GFPT1: variants seen among roughly 807,000 people sequenced by gnomAD.
GFPT1 encodes the protein glutamine--fructose-6-phosphate transaminase 1, also known as glutamine--fructose-6-phosphate aminotransferase [isomerizing] 1.
Under a neutral mutation model 92.0 loss-of-function variants are expected in GFPT1, and 40 were observed. That is an observed-to-expected ratio of 0.43 (90% confidence interval 0.34 to 0.57). The LOEUF is 0.57. Ranked by LOEUF, GFPT1 falls within the 20% of genes least tolerant of loss-of-function variation. The pLI is 0.02. For missense variants in GFPT1, 448 were observed against 869.1 expected, an observed-to-expected ratio of 0.52 and a Z score of 6.09; for synonymous variants, 269 against 280.6, an observed-to-expected ratio of 0.96 and a Z score of 0.41.
intron 1 of GFPT1, 61 bp downstream of exon 1, chr2:69,387,004 G>A: frequency 7.6e-7 from 1 of 1,315,936 alleles, no homozygotes. Context: ...GGGCCTTAGC[G>A]GCACCCGCAC....
intron 12 of GFPT1, among the ~76,000 whole-genome samples, chr2:69,343,040 C>T (rs1006915220): frequency 1.3e-5 from 2 of 152,138 alleles, no homozygotes; most frequent in Non-Finnish European, 2.9e-5. Context: ...CCATATGCTA[C>T]CAGAAGGATC....
chr2:69,376,131 C>T (rs6747389), intron 1 of GFPT1, among the ~76,000 whole-genome samples: 67,251 of 151,966 alleles, frequency 0.44, 15,151 homozygotes, highest in African/African-American at 0.52. Context: ...AGATTAAACA[C>T]GTACAGATAA....
chr2:69,372,839 C>G (rs1671784419), intron 2 of GFPT1, among the ~76,000 whole-genome samples: 1 of 152,180 alleles, frequency 6.6e-6, no homozygotes, highest in South Asian at 2.1e-4. Flanking sequence ...AGGTGTGAAA[C>G]TGCTATCCTC....
In GFPT1 at chr2:69,373,178, T is replaced by G. The variant is rs146958972; in HGVS notation, c.115+828A>C. Reference sequence around the variant, plus strand: ...CTTTTGTTATAATGAAACATAGCCATGAGTACAACCAAATGCTGAGTTCTG... The same window carrying G: ...CTTTTGTTATAATGAAACATAGCCAGGAGTACAACCAAATGCTGAGTTCTG... On this transcript the variant is annotated intron_variant, in intron 2 of 19. Coordinates refer to ENST00000357308, the MANE Select transcript of GFPT1 (RefSeq NM_001244710.2). Among the ~76,000 whole-genome samples, 825 of 152,326 alleles carry G rather than the reference T, an allele frequency of 5.4e-3. 6 individuals are homozygous for G. Among genetic ancestry groups the G allele is most frequent in the African/African-American group, 0.019 (791 of 41,568 alleles).
chr2:69,369,566 A>C (rs1671693310), intron 3 of GFPT1, among the ~76,000 whole-genome samples: 1 of 152,258 alleles, frequency 6.6e-6, no homozygotes, highest in Non-Finnish European at 1.5e-5. Context: ...ACCAGATTAT[A>C]TCAGACCTAT....
chr2:69,375,075 C>T (rs1671839940), intron 1 of GFPT1, among the ~76,000 whole-genome samples: 1 of 152,006 alleles, frequency 6.6e-6, no homozygotes, highest in African/African-American at 2.4e-5. Context: ...ACGGGATAAG[C>T]AAAGAAGTAA....
rs549509159 is a variant in GFPT1 at position 69,352,795 on chromosome 2, C to G, written c.739+1464G>C. Among the ~76,000 whole-genome samples the G allele has an allele frequency of 2.9e-4, 44 of 152,062 alleles. 1 individual carries two copies. Among genetic ancestry groups the G allele is most frequent in the Admixed American group, 9.8e-4 (15 of 15,272 alleles). Reference sequence around the variant, plus strand: ...GTGCAGCGGCTCACACCTGTAATCCCAGCACTTTGGGAGGCCGAGGTGGGC... The same window carrying G: ...GTGCAGCGGCTCACACCTGTAATCCGAGCACTTTGGGAGGCCGAGGTGGGC... On this transcript the variant is annotated intron_variant, in intron 9 of 19. Coordinates refer to ENST00000357308, the MANE Select transcript of GFPT1 (RefSeq NM_001244710.2).
chr2:69,386,943 C>T, intron 1 of GFPT1, 122 bp downstream of exon 1: 1 of 811,208 alleles, frequency 1.2e-6, no homozygotes, highest in Non-Finnish European at 2.0e-6. Context: ...CGCCCCTTGC[C>T]CATCACCCAG....
Position 69,370,014 on chromosome 2 carries a change from A to T in GFPT1, c.210T>A (p.Asp70Glu). Residue 70 changes from aspartate to glutamate, a missense_variant, in exon 3 of 20, where the codon GAT (aspartate) becomes GAA (glutamate). Physicochemically the swap from Asp to Glu is conservative, Grantham distance 45. This residue lies in a region of GFPT1 where 72 missense variants were observed against 95.1 expected (regional missense o/e 0.76). Transcript: ENST00000357308. ...TAAGTACGTTACTGTGAACTTCTTCATCCAGTGCCTTAACTTTTCCTTTCT... is the reference window on the plus strand; with the variant it reads ...TAAGTACGTTACTGTGAACTTCTTCTTCCAGTGCCTTAACTTTTCCTTTCT... ...IKKKGKVKALDEEVHKQQDMD... is the reference protein window; with the variant it reads ...IKKKGKVKALEEEVHKQQDMD... 6.3e-7 allele frequency: 1 copy of T among 1,577,184 alleles called. No homozygotes were observed. The highest frequency in any genetic ancestry group is 1.7e-4 in the Middle Eastern group (1 of 6,008).
intron 6 of GFPT1, among the ~76,000 whole-genome samples, chr2:69,357,619 G>A (rs1334185160): frequency 6.6e-6 from 1 of 152,216 alleles, no homozygotes; most frequent in East Asian, 1.9e-4. Context: ...GGTGCAGGTG[G>A]GAGAGAAGTG....
chr2:69,328,504 A>G, intron 17 of GFPT1, 66 bp from the exon 18 acceptor site: 1 of 1,175,514 alleles, frequency 8.5e-7, no homozygotes, highest in Non-Finnish European at 1.3e-6. Context: ...AGTAAATATT[A>G]TAAAAAGCAT....
intron 11 of GFPT1, among the ~76,000 whole-genome samples, chr2:69,346,662 G>A (rs1671090277): frequency 6.6e-6 from 1 of 152,058 alleles, no homozygotes. Context: ...AGTATGGATT[G>A]TAGTATGGAT....
rs371992312 is a variant in GFPT1 at position 69,364,068 on chromosome 2, T to A, written c.224-398A>T. ...AGGCAGAGGTTGCAGTGAGCTGAGA[T>A]CATGCCACTGCACTCCAGCCTGGGC... On this transcript the variant is annotated intron_variant, in intron 3 of 19. Transcript: ENST00000357308. Among the ~76,000 whole-genome samples the A allele has an allele frequency of 9.6e-5, 14 of 146,570 alleles. No individual in the cohort carries two copies. The East Asian group carries it at 2.2e-3, about 23-fold the overall frequency.
chr2:69,347,843 T>C (rs1671121048), intron 11 of GFPT1, among the ~76,000 whole-genome samples: 1 of 152,166 alleles, frequency 6.6e-6, no homozygotes. Context: ...TATCCTCATG[T>C]TATATATAAG....
chr2:69,372,668 T>C (rs1013232321), intron 2 of GFPT1, among the ~76,000 whole-genome samples: 4 of 152,024 alleles, frequency 2.6e-5, no homozygotes, highest in Admixed American at 2.6e-4. Flanking sequence ...CTTAGCATCT[T>C]AGGAAGAGAA....
At chr2:69,377,809 A>C (rs1318343127) in intron 1 of GFPT1, among the ~76,000 whole-genome samples, 1 of 152,216 alleles carries the variant, frequency 6.6e-6, no homozygotes, top group East Asian at 1.9e-4. Flanking sequence ...CTACTAGCCC[A>C]AGACATTCCA....
intron 1 of GFPT1, among the ~76,000 whole-genome samples, chr2:69,377,272 C>T (rs1282462023): frequency 6.8e-6 from 1 of 147,928 alleles, no homozygotes; most frequent in African/African-American, 2.5e-5. Context: ...AATAATGTAA[C>T]TCAACAACAG....
At chr2:69,348,121 A>T in intron 11 of GFPT1, 50 bp downstream of exon 11, 1 of 1,370,744 alleles carries the variant, frequency 7.3e-7, no homozygotes, top group Non-Finnish European at 1.0e-6. Flanking sequence ...GAAGTAGAAT[A>T]TATTCTTTCC....
At chr2:69,376,782 G>C (rs13431730) in intron 1 of GFPT1, among the ~76,000 whole-genome samples, 3,450 of 152,020 alleles carry the variant, frequency 0.023, 139 homozygotes, top group African/African-American at 0.077. Context: ...AATGAAAGTT[G>C]GTAAAAACAT....
Sources: allele counts gnomAD v4.1 joint callset (sites outside exome capture counted in the v4.1 genomes callset), GRCh38; gene constraint gnomAD v4.1.1; regional missense constraint gnomAD v4.1.1; transcripts MANE v1.5; gene names NCBI Gene and HGNC (gene_info 2026-07-23, HGNC 2026-07-21).